PPP1R3G: variants seen among roughly 807,000 people sequenced by gnomAD.
PPP1R3G encodes protein phosphatase 1, regulatory (inhibitor) subunit 3G.
A neutral mutation model predicts 2.0 loss-of-function variants in PPP1R3G; 3 were observed. The ratio of observed to expected loss-of-function variants is 1.47; its 90% CI spans 0.67 to 3.81. The LOEUF is 3.81. PPP1R3G is among the 30% of genes most tolerant of loss of function. The probability of loss-of-function intolerance (pLI) is 0.02; values close to 1 mark genes in which losing one functional copy is unlikely to be tolerated. For missense variants in PPP1R3G, 595 were observed against 517.0 expected (o/e 1.15, Z -1.46); for synonymous variants, 267 against 250.9 (o/e 1.06, Z -0.61).
At position 5,085,650 on chromosome 6, in the gene PPP1R3G, G is replaced by A. The variant is rs1219198902; in HGVS notation, c.165G>A (p.Gly55=). ...SETPSPDAQL[G]DRPLSPKEEA... ...CCCCGAGTCCTGACGCTCAGCTAGG[G>A]GATAGGCCCCTGTCCCCGAAGGAAG... Residue 55 remains glycine, a synonymous_variant, in exon 1 of 1, where the codon GGG becomes GGA. Coordinates refer to ENST00000405617, the MANE Select transcript of PPP1R3G (RefSeq NM_001145115.3). 2 of 1,548,782 alleles carry A rather than the reference G, an allele frequency of 1.3e-6. No homozygotes were observed. Among genetic ancestry groups the A allele is most frequent in the Admixed American group, 2.0e-5 (1 of 50,990 alleles).
rs1158132932 is a variant in PPP1R3G, at chr6:5,086,524, T to C, written c.1039T>C (p.Tyr347His). The C allele has an allele frequency of 6.5e-7, 1 of 1,533,478 alleles. No homozygotes were observed. Among genetic ancestry groups the C allele is most frequent in the Non-Finnish European group, 8.8e-7 (1 of 1,142,598 alleles). 95.0% of individuals were successfully genotyped at this position (1,533,478 alleles called of 1,614,324 possible). A position where few individuals can be genotyped will look rare whatever the true frequency, so the allele number is the denominator to read the frequency against. Residue 347 changes from tyrosine to histidine, a missense_variant, in exon 1 of 1, where the codon TAC becomes CAC. By Grantham distance (83) the Tyr-to-His change is moderately conservative. Transcript: ENST00000405617. ...EYWDNNAGANYTLRYARPADA... is the reference protein window; with the variant it reads ...EYWDNNAGANHTLRYARPADA... ...CTGGGACAACAACGCGGGCGCCAAC[T>C]ACACGCTGCGCTACGCGCGCCCTGC... is the stretch of plus-strand genomic sequence containing the variant.
At position 5,085,599 on chromosome 6, in the gene PPP1R3G, C is replaced by T. The variant is rs781345321; in HGVS notation, c.114C>T (p.Gly38=). The change falls in exon 1 of 1, where the codon GGC becomes GGT. Residue 38 remains glycine (G), a synonymous_variant. Coordinates refer to ENST00000405617, the MANE Select transcript of PPP1R3G (RefSeq NM_001145115.3). ...PAPVVPCVQG[G]GDGGGASETP... is the part of the protein sequence containing the mutation. The stretch of plus-strand genomic sequence containing the variant: ...CGGTGGTCCCCTGTGTGCAGGGTGG[C>T]GGCGACGGCGGTGGCGCTTCGGAGA... 2 of 1,546,466 alleles carry T rather than the reference C, an allele frequency of 1.3e-6. No individual in the cohort carries two copies. The highest frequency in any genetic ancestry group is 3.9e-5 in the Admixed American group (2 of 50,986).
Position 5,085,793 on chromosome 6 carries a change from A to G in PPP1R3G, c.308A>G (p.Gln103Arg). ...GCGGCCAAGTTCCTGCAGCAGCAGC[A>G]GCAACAGGCGGTGGCACTGGGCGGC... ...LQAAKFLQQQ[Q>R]QQAVALGGEG... The change falls in exon 1 of 1, where the codon CAG becomes CGG. Residue 103 changes from glutamine (Q) to arginine (R), a missense_variant. Gln to Arg is a conservative substitution (Grantham distance 43). Transcript: ENST00000405617. 6.5e-7 allele frequency: 1 copy of G among 1,530,418 alleles called. No homozygotes were observed. Among genetic ancestry groups the G allele is most frequent in the East Asian group, 2.5e-5 (1 of 40,514 alleles). The allele number at this position is 1,530,418 out of a possible 1,614,324, so 94.8% of individuals were successfully genotyped here.
Position 5,086,157 on chromosome 6 carries a change from G to C in PPP1R3G, c.672G>C (p.Gln224His). 1 of 1,526,978 alleles carries C rather than the reference G, an allele frequency of 6.5e-7. No homozygotes were observed. The highest frequency in any genetic ancestry group is 8.8e-7 in the Non-Finnish European group (1 of 1,142,476). 94.6% of individuals were successfully genotyped at this position (1,526,978 alleles called of 1,614,324 possible). ...AGCGCGTGTGCCTGGAGCGCGTGCAGTGCTCGACGGCCTCGGGCGCTGAGG... is the reference window on the plus strand; with the variant it reads ...AGCGCGTGTGCCTGGAGCGCGTGCACTGCTCGACGGCCTCGGGCGCTGAGG... ...QRQRVCLERV[Q>H]CSTASGAEVK... Residue 224 changes from glutamine to histidine, a missense_variant, in exon 1 of 1, where the codon CAG becomes CAC. Coordinates refer to ENST00000405617, the MANE Select transcript of PPP1R3G (RefSeq NM_001145115.3).
chr6:5,085,354 A>G lies in PPP1R3G; in HGVS notation c.-132A>G. The G allele has an allele frequency of 3.0e-6, 2 of 655,938 alleles. No individual in the cohort carries two copies. Among genetic ancestry groups the G allele is most frequent in the Non-Finnish European group, 5.1e-6 (2 of 394,770 alleles). 40.6% of individuals were successfully genotyped at this position (655,938 alleles called of 1,614,324 possible). ...AAAGTGGAACTACGTTGTCTTGTCGAGCCTGGGGCGACTCGCCTCGGGGAG... is the reference window on the plus strand; with the variant it reads ...AAAGTGGAACTACGTTGTCTTGTCGGGCCTGGGGCGACTCGCCTCGGGGAG... On this transcript the variant is annotated 5_prime_UTR_variant, in exon 1 of 1. Transcript: ENST00000405617.
rs942089212 is a variant in PPP1R3G at position 5,086,103 on chromosome 6, G to A, written c.618G>A (p.Pro206=). Residue 206 remains proline (P), a synonymous_variant, in exon 1 of 1, where the codon CCG becomes CCA. Transcript: ENST00000405617. The part of the protein sequence containing the change: ...RLRPLFQLPG[P]SAAAERLQRQ... Reference sequence around the variant, plus strand: ...GGCCGCTCTTCCAGCTCCCGGGGCCGAGCGCCGCGGCCGAGCGTCTGCAGC... The same window carrying A: ...GGCCGCTCTTCCAGCTCCCGGGGCCAAGCGCCGCGGCCGAGCGTCTGCAGC... 5 of 1,463,530 alleles carry A rather than the reference G, an allele frequency of 3.4e-6. No individual in the cohort carries two copies. Among genetic ancestry groups the A allele is most frequent in the Admixed American group, 5.0e-5 (2 of 40,024 alleles). 90.7% of individuals were successfully genotyped at this position (1,463,530 alleles called of 1,614,324 possible). A position where few individuals can be genotyped will look rare whatever the true frequency, so the allele number is the denominator to read the frequency against.
In PPP1R3G at chr6:5,086,622, C is replaced by T. The variant is rs1271904410; in HGVS notation, c.*60C>T. 3.8e-6 allele frequency: 5 copies of T among 1,332,466 alleles called. No homozygotes were observed. Among genetic ancestry groups the T allele is most frequent in the East Asian group, 2.5e-5 (1 of 39,502 alleles). 82.5% of individuals were successfully genotyped at this position (1,332,466 alleles called of 1,614,324 possible). A position where few individuals can be genotyped will look rare whatever the true frequency, so the allele number is the denominator to read the frequency against. On this transcript the variant is annotated 3_prime_UTR_variant, in exon 1 of 1. Coordinates refer to ENST00000405617, the MANE Select transcript of PPP1R3G (RefSeq NM_001145115.3). ...TGATTAGCACGTGGAGCTCGGGCTG[C>T]CGCCTCAAGGAACTTGCTGGGACGC...
Position 5,085,917 on chromosome 6 carries a change from C to T in PPP1R3G, c.432C>T (p.Ser144=). The T allele has an allele frequency of 6.5e-7, 1 of 1,529,974 alleles. No individual in the cohort carries two copies. The allele number at this position is 1,529,974 out of a possible 1,614,324, so 94.8% of individuals were successfully genotyped here. Residue 144 remains serine (S), a synonymous_variant, in exon 1 of 1, where the codon AGC becomes AGT. Coordinates refer to ENST00000405617, the MANE Select transcript of PPP1R3G (RefSeq NM_001145115.3). ...ACACGCTGGGGCTAAGCCTGGCCAGCGTGAAGCACTTCAGCGAGGCGGAGG... is the reference window on the plus strand; with the variant it reads ...ACACGCTGGGGCTAAGCCTGGCCAGTGTGAAGCACTTCAGCGAGGCGGAGG... ...FADTLGLSLA[S]VKHFSEAEEP... is the part of the protein sequence containing the mutation.
chr6:5,085,818 C>G lies in PPP1R3G; in HGVS notation c.333C>G (p.Gly111=), dbSNP rs1377856896. Residue 111 remains glycine (G), a synonymous_variant, in exon 1 of 1, where the codon GGC becomes GGG. Coordinates refer to ENST00000405617, the MANE Select transcript of PPP1R3G (RefSeq NM_001145115.3). ...QQQQQAVALG[G]EGAEDAQLGP... ...AGCAACAGGCGGTGGCACTGGGCGGCGAGGGGGCGGAGGACGCACAGCTCG... is the reference window on the plus strand; with the variant it reads ...AGCAACAGGCGGTGGCACTGGGCGGGGAGGGGGCGGAGGACGCACAGCTCG... The G allele has an allele frequency of 6.5e-7, 1 of 1,527,122 alleles. No homozygotes were observed. Among genetic ancestry groups the G allele is most frequent in the African/African-American group, 1.4e-5 (1 of 71,996 alleles). The allele number at this position is 1,527,122 out of a possible 1,614,324, so 94.6% of individuals were successfully genotyped here.
At position 5,086,591 on chromosome 6, in the gene PPP1R3G, C is replaced by T. The variant is rs924507154; in HGVS notation, c.*29C>T. 7 of 1,459,150 alleles carry T rather than the reference C, an allele frequency of 4.8e-6. No individual in the cohort carries two copies. The African/African-American group carries it at 8.5e-5, about 18-fold the overall frequency. The allele number at this position is 1,459,150 out of a possible 1,614,324, so 90.4% of individuals were successfully genotyped here. The stretch of plus-strand genomic sequence containing the variant: ...TGGAGAGTTTCGAAGAGCCGTGGGG[C>T]GGGGTTGATTAGCACGTGGAGCTCG... On this transcript the variant is annotated 3_prime_UTR_variant, in exon 1 of 1. Coordinates refer to ENST00000405617, the MANE Select transcript of PPP1R3G (RefSeq NM_001145115.3).
At position 5,086,545 on chromosome 6, in the gene PPP1R3G, C is replaced by T. The variant is rs1762036132; in HGVS notation, c.1060C>T (p.Pro354Ser). ...CAACTACACGCTGCGCTACGCGCGC[C>T]CTGCGGACGCGCTCTGAGCCTGGAG... The part of the protein sequence containing the change: ...GANYTLRYAR[P>S]ADAL The change falls in exon 1 of 1, where the codon CCT becomes TCT. Residue 354 changes from proline to serine, a missense_variant. Physicochemically the swap from Pro to Ser is moderately conservative, Grantham distance 74. Coordinates refer to ENST00000405617, the MANE Select transcript of PPP1R3G (RefSeq NM_001145115.3). 4 of 1,526,334 alleles carry T rather than the reference C, an allele frequency of 2.6e-6. No individual in the cohort carries two copies. The highest frequency in any genetic ancestry group is 3.5e-6 in the Non-Finnish European group (4 of 1,138,682). The allele number at this position is 1,526,334 out of a possible 1,614,324, so 94.5% of individuals were successfully genotyped here. A position where few individuals can be genotyped will look rare whatever the true frequency, so the allele number is the denominator to read the frequency against.
chr6:5,086,476 T>C lies in PPP1R3G; in HGVS notation c.991T>C (p.Tyr331His), dbSNP rs888818228. ...RGVAVHFAVC[Y>H]RCAQGEYWDN... Reference sequence around the variant, plus strand: ...CGTCGCGGTCCACTTCGCTGTCTGCTACCGCTGCGCGCAGGGCGAGTACTG... The same window carrying C: ...CGTCGCGGTCCACTTCGCTGTCTGCCACCGCTGCGCGCAGGGCGAGTACTG... The change falls in exon 1 of 1, where the codon TAC (tyrosine) becomes CAC (histidine). Residue 331 changes from tyrosine to histidine, a missense_variant. Physicochemically the swap from Tyr to His is moderately conservative, Grantham distance 83. Transcript: ENST00000405617. The C allele has an allele frequency of 1.3e-6, 2 of 1,537,284 alleles. No individual in the cohort carries two copies. The highest frequency in any genetic ancestry group is 3.9e-5 in the Admixed American group (2 of 50,978).
rs926669397 is a variant in PPP1R3G at position 5,086,337 on chromosome 6, C to G, written c.852C>G (p.Ser284=). 5.2e-6 allele frequency: 8 copies of G among 1,535,686 alleles called. No individual in the cohort carries two copies. Among genetic ancestry groups the G allele is most frequent in the Admixed American group, 2.0e-5 (1 of 50,976 alleles). ...PQQPEAPSGA[S]EPGSGDAKKE... Reference sequence around the variant, plus strand: ...AGCCAGAGGCACCGTCTGGGGCCTCCGAGCCAGGGTCCGGGGATGCCAAGA... The same window carrying G: ...AGCCAGAGGCACCGTCTGGGGCCTCGGAGCCAGGGTCCGGGGATGCCAAGA... The change falls in exon 1 of 1, where the codon TCC becomes TCG. Residue 284 remains serine (S), a synonymous_variant. Transcript: ENST00000405617.
In PPP1R3G at chr6:5,086,031, C is replaced by G. The variant is rs1761999045; in HGVS notation, c.546C>G (p.Ala182=). 1.3e-6 allele frequency: 2 copies of G among 1,491,132 alleles called. No individual in the cohort carries two copies. Among genetic ancestry groups the G allele is most frequent in the Admixed American group, 2.2e-5 (1 of 45,310 alleles). The allele number at this position is 1,491,132 out of a possible 1,614,324, so 92.4% of individuals were successfully genotyped here. ...TGGAGCAGCTCGGGGGGCTGCTGGC[C>G]GCGGCGGCAGTGGCCGCGCCCCTTT... ...EDLEQLGGLL[A]AAAVAAPLSA... The change falls in exon 1 of 1, where the codon GCC becomes GCG. Residue 182 remains alanine (A), a synonymous_variant. Coordinates refer to ENST00000405617, the MANE Select transcript of PPP1R3G (RefSeq NM_001145115.3).
Position 5,086,539 on chromosome 6 carries a change from G to T in PPP1R3G, c.1054G>T (p.Ala352Ser). The change falls in exon 1 of 1, where the codon GCG becomes TCG. Residue 352 changes from alanine to serine, a missense_variant. By Grantham distance (99) the Ala-to-Ser change is moderately conservative. Coordinates refer to ENST00000405617, the MANE Select transcript of PPP1R3G (RefSeq NM_001145115.3). ...NAGANYTLRY[A>S]RPADAL Reference sequence around the variant, plus strand: ...GGGCGCCAACTACACGCTGCGCTACGCGCGCCCTGCGGACGCGCTCTGAGC... The same window carrying T: ...GGGCGCCAACTACACGCTGCGCTACTCGCGCCCTGCGGACGCGCTCTGAGC... The T allele has an allele frequency of 6.5e-7, 1 of 1,528,736 alleles. No individual in the cohort carries two copies. 94.7% of individuals were successfully genotyped at this position (1,528,736 alleles called of 1,614,324 possible). A position where few individuals can be genotyped will look rare whatever the true frequency, so the allele number is the denominator to read the frequency against.
rs1762115060 is a variant in PPP1R3G at position 5,088,841 on chromosome 6, G to A, written c.*2279G>A. 1 of 152,136 alleles carries A rather than the reference G, an allele frequency of 6.6e-6. No individual in the cohort carries two copies. Among genetic ancestry groups the A allele is most frequent in the African/African-American group, 2.4e-5 (1 of 41,408 alleles). The allele number at this position is 152,136 out of a possible 1,614,324, so 9.4% of individuals were successfully genotyped here. On this transcript the variant is annotated 3_prime_UTR_variant, in exon 1 of 1. Transcript: ENST00000405617. ...TGCGGTTATCATTGTGTCAGGCAGG[G>A]GAATCTACCTGTTGCCTTCTTTCAC...
rs1032978948 is a variant in PPP1R3G, at chr6:5,087,843, A to C, written c.*1281A>C. 3.3e-5 allele frequency: 5 copies of C among 152,322 alleles called. No homozygotes were observed. Among genetic ancestry groups the C allele is most frequent in the African/African-American group, 1.2e-4 (5 of 41,562 alleles). 9.4% of individuals were successfully genotyped at this position (152,322 alleles called of 1,614,324 possible). ...GGGTGGGCAGGAGGGCATCCCGAGT[A>C]AGGTCTGTCGCCCCTTGACTCTGCC... On this transcript the variant is annotated 3_prime_UTR_variant, in exon 1 of 1. Transcript: ENST00000405617.
rs528984386 is a variant in PPP1R3G at position 5,086,975 on chromosome 6, G to C, written c.*413G>C. On this transcript the variant is annotated 3_prime_UTR_variant, in exon 1 of 1. Coordinates refer to ENST00000405617, the MANE Select transcript of PPP1R3G (RefSeq NM_001145115.3). ...ATATTGTAGCCCTTGCAGTTTGCTG[G>C]AGACCCCTAGGGAAAGAACAAAGCG... The C allele has an allele frequency of 1.1e-5, 2 of 177,816 alleles. No individual in the cohort carries two copies. The highest frequency in any genetic ancestry group is 3.3e-4 in the East Asian group (2 of 6,094). The allele number at this position is 177,816 out of a possible 1,614,324, so 11.0% of individuals were successfully genotyped here.
At position 5,086,033 on chromosome 6, in the gene PPP1R3G, C is replaced by G; in HGVS notation, c.548C>G (p.Ala183Gly). 1 of 1,490,454 alleles carries G rather than the reference C, an allele frequency of 6.7e-7. No individual in the cohort carries two copies. Among genetic ancestry groups the G allele is most frequent in the Non-Finnish European group, 8.9e-7 (1 of 1,127,008 alleles). 92.3% of individuals were successfully genotyped at this position (1,490,454 alleles called of 1,614,324 possible). Residue 183 changes from alanine (A) to glycine (G), a missense_variant, in exon 1 of 1, where the codon GCG (alanine) becomes GGG (glycine). Coordinates refer to ENST00000405617, the MANE Select transcript of PPP1R3G (RefSeq NM_001145115.3). ...GAGCAGCTCGGGGGGCTGCTGGCCG[C>G]GGCGGCAGTGGCCGCGCCCCTTTCA... ...DLEQLGGLLA[A>G]AAVAAPLSAP...
Sources: gnomAD v4.1 joint callset for allele counts on GRCh38, gnomAD v4.1.1 for gene constraint, MANE v1.5 for transcripts, NCBI Gene and HGNC (gene_info 2026-07-23, HGNC 2026-07-21) for gene names.